Variants in NDUFAF2 observed in about 807,000 individuals in gnomAD.
NDUFAF2 encodes the protein NADH dehydrogenase [ubiquinone] 1 alpha subcomplex assembly factor 2.
In NDUFAF2, 13 loss-of-function variants were observed where a neutral mutation model predicts 22.8. The ratio of observed to expected loss-of-function variants is 0.57; its 90% CI spans 0.37 to 0.91. The LOEUF is 0.91. Ranked by LOEUF, NDUFAF2 falls within the 40% of genes least tolerant of loss-of-function variation. The pLI is 0.01. For missense variants in NDUFAF2, 162 were observed against 195.2 expected, an observed-to-expected ratio of 0.83 and a Z score of 1.01; for synonymous variants, 53 against 64.2, an observed-to-expected ratio of 0.83 and a Z score of 0.84.
At chr5:61,152,329 C>T (rs1453180731) in intron 3 of NDUFAF2, among the ~76,000 whole-genome samples, 4 of 151,782 alleles carry the variant, frequency 2.6e-5, no homozygotes, top group Non-Finnish European at 5.9e-5. Flanking sequence ...TTCTTTCTCA[C>T]CAGTGGAAAA....
At chr5:61,126,687 A>G (rs1753039560) in intron 3 of NDUFAF2, among the ~76,000 whole-genome samples, 1 of 152,102 alleles carries the variant, frequency 6.6e-6, no homozygotes, top group Non-Finnish European at 1.5e-5. Context: ...TTGGCAAAAT[A>G]CTTACATGTA....
intron 3 of NDUFAF2, among the ~76,000 whole-genome samples, chr5:61,142,128 C>T (rs541940501): frequency 1.8e-4 from 27 of 152,268 alleles, no homozygotes; most frequent in Non-Finnish European, 3.5e-4. Flanking sequence ...CAGGGTAGTT[C>T]AATTAAATAG....
At chr5:61,142,631 G>T (rs1001555836) in intron 3 of NDUFAF2, among the ~76,000 whole-genome samples, 1 of 152,192 alleles carries the variant, frequency 6.6e-6, no homozygotes, top group Non-Finnish European at 1.5e-5. Flanking sequence ...TGGCAGAGGC[G>T]TACTAGTGAT....
rs972006149 is a variant in NDUFAF2 at position 61,133,700 on chromosome 5, A to T, written c.259-19004A>T. On this transcript the variant is annotated intron_variant, in intron 3 of 3. Coordinates refer to ENST00000296597, the MANE Select transcript of NDUFAF2 (RefSeq NM_174889.5). Reference sequence around the variant, plus strand: ...AAAGTCAGATTATCAGTCAACAGTGATTGCCCTCTCAGATGGTCTACTAAA... The same window carrying T: ...AAAGTCAGATTATCAGTCAACAGTGTTTGCCCTCTCAGATGGTCTACTAAA... Among the ~76,000 whole-genome samples, 8 of 152,226 alleles carry T rather than the reference A, an allele frequency of 5.3e-5. No individual in the cohort carries two copies. The East Asian group carries it at 7.7e-4, about 15-fold the overall frequency.
chr5:61,053,442 C>T (rs1466214605), intron 1 of NDUFAF2, among the ~76,000 whole-genome samples: 1 of 152,148 alleles, frequency 6.6e-6, no homozygotes, highest in Non-Finnish European at 1.5e-5. Context: ...TAGATTTTCT[C>T]CACATAGTAG....
intron 1 of NDUFAF2, among the ~76,000 whole-genome samples, chr5:61,003,356 C>T (rs1195102275): frequency 6.6e-6 from 1 of 151,858 alleles, no homozygotes. Flanking sequence ...GCTGAAATGG[C>T]AAAAATGTTT....
chr5:61,150,921 TTTCTC>T (rs1741228208), intron 3 of NDUFAF2, among the ~76,000 whole-genome samples: 2 of 152,172 alleles, frequency 1.3e-5, no homozygotes, highest in Non-Finnish European at 2.9e-5. Flanking sequence ...GAAAACCTGA[TTTCTC>T]TACTCTCACC....
At chr5:60,968,319 T>C (rs1750784378) in intron 1 of NDUFAF2, among the ~76,000 whole-genome samples, 1 of 151,902 alleles carries the variant, frequency 6.6e-6, no homozygotes, top group African/African-American at 2.4e-5. Flanking sequence ...ATTGGGTTTC[T>C]AGTCTCCATT....
chr5:61,056,823 A>T (rs549448399), intron 1 of NDUFAF2, among the ~76,000 whole-genome samples: 2 of 135,952 alleles, frequency 1.5e-5, no homozygotes, highest in Admixed American at 1.6e-4. Flanking sequence ...AAGGAGGCCG[A>T]GGTTGCGGTG....
intron 1 of NDUFAF2, among the ~76,000 whole-genome samples, chr5:61,034,344 C>T (rs158696): frequency 1.9e-4 from 29 of 151,648 alleles, no homozygotes; most frequent in Non-Finnish European, 3.2e-4. Flanking sequence ...GATTATATTT[C>T]CACAAACCAA....
At chr5:61,109,331 A>G (rs1288065428) in intron 3 of NDUFAF2, among the ~76,000 whole-genome samples, 1 of 152,174 alleles carries the variant, frequency 6.6e-6, no homozygotes, top group Non-Finnish European at 1.5e-5. Context: ...TTTGTTTATC[A>G]GTTCTAACAG....
chr5:60,948,182 T>A (rs1392904440), intron 1 of NDUFAF2, among the ~76,000 whole-genome samples: 1 of 152,222 alleles, frequency 6.6e-6, no homozygotes. Context: ...TCTGACACTA[T>A]ACATTAGTTT....
chr5:61,151,031 T>C (rs1741230466), intron 3 of NDUFAF2, among the ~76,000 whole-genome samples: 1 of 152,202 alleles, frequency 6.6e-6, no homozygotes, highest in South Asian at 2.1e-4. Context: ...AGAATATTTA[T>C]AAATATTGTT....
At chr5:61,140,077 C>T (rs1451888870) in intron 3 of NDUFAF2, among the ~76,000 whole-genome samples, 2 of 152,248 alleles carry the variant, frequency 1.3e-5, no homozygotes, top group African/African-American at 4.8e-5. Flanking sequence ...AGTGTGTAAG[C>T]CAGACTTGGC....
intron 3 of NDUFAF2, among the ~76,000 whole-genome samples, chr5:61,113,487 C>G (rs1189325834): frequency 6.6e-6 from 1 of 152,090 alleles, no homozygotes; most frequent in Admixed American, 6.6e-5. Context: ...TTGTAGTTCC[C>G]ATAATCCCCA....
At chr5:61,019,407 A>T in intron 1 of NDUFAF2, among the ~76,000 whole-genome samples, 1 of 150,436 alleles carries the variant, frequency 6.6e-6, no homozygotes, top group African/African-American at 2.5e-5. Flanking sequence ...CCCTATCTTC[A>T]CTCCCCTCCC....
intron 3 of NDUFAF2, among the ~76,000 whole-genome samples, chr5:61,148,183 C>T (rs1187059342): frequency 3.3e-5 from 5 of 152,206 alleles, no homozygotes; most frequent in Admixed American, 3.3e-4. Flanking sequence ...CCACCATCCT[C>T]TGGTTGGGTT....
At chr5:61,012,409 C>T (rs546209018) in intron 1 of NDUFAF2, among the ~76,000 whole-genome samples, 1 of 152,200 alleles carries the variant, frequency 6.6e-6, no homozygotes, top group East Asian at 1.9e-4. Context: ...GAAGACATAG[C>T]TATTACCTAA....
At chr5:61,107,854 G>C (rs1454607323) in intron 3 of NDUFAF2, among the ~76,000 whole-genome samples, 4 of 127,226 alleles carry the variant, frequency 3.1e-5, no homozygotes, top group African/African-American at 1.3e-4. Context: ...GTGTGATGTT[G>C]CCCTTCCTGT....
Sources: gnomAD v4.1 joint callset for allele counts (sites outside exome capture counted in the v4.1 genomes callset) on GRCh38, gnomAD v4.1.1 for gene constraint, MANE v1.5 for transcripts, NCBI Gene and HGNC (gene_info 2026-07-23, HGNC 2026-07-21) for gene names.